Variants in ESYT2 observed in about 807,000 individuals in gnomAD.
The protein encoded by ESYT2 is extended synaptotagmin 2, also known as extended synaptotagmin-2.
A neutral mutation model predicts 107.2 loss-of-function variants in ESYT2; 54 were observed. The observed-to-expected ratio is 0.50, with a 90% CI of 0.40 to 0.63. The LOEUF is 0.63. Among genes scored for constraint, ESYT2 ranks in the 30% least tolerant of loss-of-function variants. The probability of loss-of-function intolerance (pLI) is 0.00; values close to 1 mark genes in which losing one functional copy is unlikely to be tolerated. For synonymous variants in ESYT2, 491 were observed against 434.1 expected (o/e 1.13, Z -1.63); for missense variants, 1,020 against 1,094.5 (o/e 0.93, Z 0.96).
Position 158,764,712 on chromosome 7 carries a change from C to T in ESYT2, c.1066G>A (p.Glu356Lys). ...TCATTCCACTTTGGACTGAGGTTCTCCTTGATGACTCTGCTTTGGAAGATT... is the reference window on the plus strand; with the variant it reads ...TCATTCCACTTTGGACTGAGGTTCTTCTTGATGACTCTGCTTTGGAAGATT... ...NQIFQSRVIK[E>K]NLSPKWNEVY... The change falls in exon 9 of 23, where the codon GAG becomes AAG. Residue 356 changes from glutamate to lysine, a missense_variant. Physicochemically the swap from Glu to Lys is moderately conservative, Grantham distance 56 (BLOSUM62 1). Transcript: ENST00000275418. The T allele has an allele frequency of 6.2e-7, 1 of 1,614,138 alleles. No individual in the cohort carries two copies.
At chr7:158,749,868 G>A (rs1837526922) in intron 14 of ESYT2, 145 bp from the exon 15 acceptor site, 2 of 725,812 alleles carry the variant, frequency 2.8e-6, no homozygotes, top group Non-Finnish European at 4.4e-6. Context: ...AATTTAATGG[G>A]AAAACATAAG....
At chr7:158,783,197 C>T (rs912118546) in intron 6 of ESYT2, among the ~76,000 whole-genome samples, 5 of 152,160 alleles carry the variant, frequency 3.3e-5, no homozygotes, top group African/African-American at 1.2e-4. Flanking sequence ...ACTCCAAGAT[C>T]GGAAAACAAT....
chr7:158,800,096 T>C lies in ESYT2; in HGVS notation c.331-1024A>G, dbSNP rs544994065. Among the ~76,000 whole-genome samples, 17 of 150,436 alleles carry C rather than the reference T, an allele frequency of 1.1e-4. No individual in the cohort carries two copies. In the South Asian group the frequency reaches 3.0e-3, roughly 26 times the overall value. Reference sequence around the variant, plus strand: ...AGACAGAGTCTCACTGTCACCAGGCTGGAGTGCAGTGGCGCGATCTCGGCT... The same window carrying C: ...AGACAGAGTCTCACTGTCACCAGGCCGGAGTGCAGTGGCGCGATCTCGGCT... On this transcript the variant is annotated intron_variant, in intron 1 of 22. Transcript: ENST00000275418.
chr7:158,808,305 C>CGG (rs1187965657), intron 1 of ESYT2, among the ~76,000 whole-genome samples: 1 of 152,202 alleles, frequency 6.6e-6, no homozygotes, highest in Non-Finnish European at 1.5e-5. Context: ...GCTCGAGACA[C>CGG]GAGCCCCGTC....
chr7:158,770,521 AT>A (rs941549739), intron 7 of ESYT2, among the ~76,000 whole-genome samples: 3 of 149,960 alleles, frequency 2.0e-5, no homozygotes, highest in Non-Finnish European at 4.4e-5. Context: ...ATATATATAT[AT>A]TTTTTTTCCT....
Position 158,736,320 on chromosome 7 carries a change from T to A in ESYT2, c.2400-712A>T, listed in dbSNP as rs557534376. 4.6e-5 allele frequency among the ~76,000 whole-genome samples: 7 copies of A among 152,358 alleles called. No homozygotes were observed. In the South Asian group the frequency reaches 1.4e-3, roughly 32 times the overall value. On this transcript the variant is annotated intron_variant, in intron 20 of 22. Coordinates refer to ENST00000275418, the MANE Select transcript of ESYT2 (RefSeq NM_001367773.1). Reference sequence around the variant, plus strand: ...AATGAATGAGGAGGATGTTTAAAGATGAAACGTAAACTGAATTAGCAGATA... The same window carrying A: ...AATGAATGAGGAGGATGTTTAAAGAAGAAACGTAAACTGAATTAGCAGATA...
chr7:158,777,884 T>C (rs955086571), intron 6 of ESYT2, among the ~76,000 whole-genome samples: 3 of 152,186 alleles, frequency 2.0e-5, no homozygotes, highest in African/African-American at 7.2e-5. Flanking sequence ...TCTGCGAGAA[T>C]TGCCGAAACA....
chr7:158,742,961 G>C (rs1320012275), intron 17 of ESYT2, among the ~76,000 whole-genome samples: 2 of 152,134 alleles, frequency 1.3e-5, no homozygotes, highest in African/African-American at 4.8e-5. Context: ...GAAGACATTT[G>C]TAATTTTCTT....
intron 17 of ESYT2, among the ~76,000 whole-genome samples, chr7:158,743,277 T>G (rs1404558247): frequency 6.6e-6 from 1 of 152,166 alleles, no homozygotes; most frequent in Non-Finnish European, 1.5e-5. Context: ...ACTGTTTGAG[T>G]AGCCGTGGGC....
chr7:158,794,407 T>C lies in ESYT2; in HGVS notation c.508-681A>G, dbSNP rs534161159. On this transcript the variant is annotated intron_variant, in intron 3 of 22. Transcript: ENST00000275418. Reference sequence around the variant, plus strand: ...TACTTAGGAGGCTGAGGTGGGGAGATTGCTTGAGCACAGGAGTTTGAGGCT... The same window carrying C: ...TACTTAGGAGGCTGAGGTGGGGAGACTGCTTGAGCACAGGAGTTTGAGGCT... Among the ~76,000 whole-genome samples, 25 of 152,276 alleles carry C rather than the reference T, an allele frequency of 1.6e-4. No individual in the cohort carries two copies. The South Asian group carries it at 3.1e-3, about 19-fold the overall frequency.
In ESYT2 at chr7:158,752,811, C is replaced by G; in HGVS notation, c.1452G>C (p.Leu484Phe). The G allele has an allele frequency of 7.7e-7, 1 of 1,304,192 alleles. No homozygotes were observed. Among genetic ancestry groups the G allele is most frequent in the Non-Finnish European group, 1.0e-6 (1 of 989,000 alleles). The allele number at this position is 1,304,192 out of a possible 1,614,324, so 80.8% of individuals were successfully genotyped here. ...SNPLEFNPDV[L>F]KKTAVQRALK... ...AAGCTCTCTGAACTGCAGTCTTCTT[C>G]AAGACATCGGGGTTAAATTCTAATG... Residue 484 changes from leucine to phenylalanine, a missense_variant, in exon 14 of 23, where the codon TTG (leucine) becomes TTC (phenylalanine). Physicochemically the swap from Leu to Phe is conservative, Grantham distance 22. Transcript: ENST00000275418.
chr7:158,740,669 T>G (rs925701573), intron 18 of ESYT2, among the ~76,000 whole-genome samples: 1 of 152,152 alleles, frequency 6.6e-6, no homozygotes, highest in Non-Finnish European at 1.5e-5. Context: ...TGAGAAAAAG[T>G]GTTTCCTTGT....
At chr7:158,737,447 T>G (rs1227219029) in intron 19 of ESYT2, among the ~76,000 whole-genome samples, 8 of 152,178 alleles carry the variant, frequency 5.3e-5, no homozygotes, top group Admixed American at 5.2e-4. Flanking sequence ...GTCCTTGGTC[T>G]CTGCTTGTAA....
chr7:158,801,080 G>T (rs776056203), intron 1 of ESYT2, among the ~76,000 whole-genome samples: 5 of 152,138 alleles, frequency 3.3e-5, no homozygotes, highest in Non-Finnish European at 5.9e-5. Context: ...CTGCAGTGAG[G>T]CAGTGATGGG....
At chr7:158,782,174 TGTGA>T (rs1209164974) in intron 6 of ESYT2, among the ~76,000 whole-genome samples, 13 of 145,266 alleles carry the variant, frequency 8.9e-5, no homozygotes, top group East Asian at 4.2e-4. Context: ...AACAGTGAGG[TGTGA>T]GTGTGAAAGA....
At chr7:158,741,241 C>T (rs145931746) in intron 18 of ESYT2, among the ~76,000 whole-genome samples, 323 of 152,310 alleles carry the variant, frequency 2.1e-3, no homozygotes, top group African/African-American at 7.1e-3. Context: ...AGCAGCGTCC[C>T]GGCGCTGCCT....
chr7:158,760,843 C>G (rs1417956204), intron 11 of ESYT2, among the ~76,000 whole-genome samples: 2 of 152,190 alleles, frequency 1.3e-5, no homozygotes, highest in Non-Finnish European at 2.9e-5. Flanking sequence ...CCATCCAGTG[C>G]CTGGCACACC....
intron 22 of ESYT2, 29 bp from the exon 23 acceptor site, chr7:158,734,281 G>C: frequency 6.2e-7 from 1 of 1,614,074 alleles, no homozygotes; most frequent in Non-Finnish European, 8.5e-7. Flanking sequence ...GGAAGGTGGT[G>C]ACGGATACAG....
chr7:158,813,941 C>T (rs1390755744), intron 1 of ESYT2, among the ~76,000 whole-genome samples: 2 of 152,076 alleles, frequency 1.3e-5, no homozygotes, highest in Non-Finnish European at 2.9e-5. Context: ...ATACGTTCCT[C>T]GTCCCAATGA....
Sources: allele counts gnomAD v4.1 joint callset (sites outside exome capture counted in the v4.1 genomes callset), GRCh38; gene constraint gnomAD v4.1.1; transcripts MANE v1.5; gene names NCBI Gene and HGNC (gene_info 2026-07-23, HGNC 2026-07-21).